DNAL4: variants seen among roughly 807,000 people sequenced by gnomAD.
DNAL4 encodes the protein dynein light chain, outer arm 4.
In DNAL4, 10 loss-of-function variants were observed where a neutral mutation model predicts 12.6. That is an observed-to-expected ratio of 0.79 (90% CI 0.49 to 1.34). The LOEUF is 1.34. DNAL4 is among the 40% of genes most tolerant of loss of function. DNAL4 has a pLI of 0.00. For synonymous variants in DNAL4, 46 were observed against 53.1 expected (o/e 0.87, Z 0.58); for missense variants, 128 against 138.1 (o/e 0.93, Z 0.37).
intron 1 of DNAL4, among the ~76,000 whole-genome samples, chr22:38,783,286 A>ACACG (rs2093037184): frequency 7.1e-6 from 1 of 141,688 alleles, no homozygotes. Flanking sequence ...CACTACATAC[A>ACACG]CGGGCCTTCC....
intron 1 of DNAL4, among the ~76,000 whole-genome samples, chr22:38,788,590 C>G (rs759575662): frequency 4.6e-5 from 7 of 152,148 alleles, no homozygotes; most frequent in Non-Finnish European, 7.3e-5. Flanking sequence ...CATGCACCCT[C>G]AAGGACTTAG....
Position 38,780,648 on chromosome 22 carries a change from C to T in DNAL4, c.153+278G>A, listed in dbSNP as rs2093032879. Reference sequence around the variant, plus strand: ...ACTGGGATGGAACCACGGGGAAAGGCACCCTATTCAGCAGCCCACCTGAGG... The same window carrying T: ...ACTGGGATGGAACCACGGGGAAAGGTACCCTATTCAGCAGCCCACCTGAGG... On this transcript the variant is annotated intron_variant, in intron 3 of 3. Transcript: ENST00000216068. 3 of 448,022 alleles carry T rather than the reference C, an allele frequency of 6.7e-6. No homozygotes were observed. The South Asian group carries it at 8.0e-5, about 12-fold the overall frequency. 27.8% of individuals were successfully genotyped at this position (448,022 alleles called of 1,614,324 possible). A position where few individuals can be genotyped will look rare whatever the true frequency, so the allele number is the denominator to read the frequency against.
Position 38,779,448 on chromosome 22 carries a change from G to C in DNAL4, c.*1C>G. ...CAGGGGACGGGGCAGGGGACAGAGT[G>C]TCAGGAGCACTTCCAGACGCACACA... On this transcript the variant is annotated 3_prime_UTR_variant, in exon 4 of 4. Coordinates refer to ENST00000216068, the MANE Select transcript of DNAL4 (RefSeq NM_005740.3). The surrounding 1 kb of genome is among the most constrained non-coding windows in gnomAD (Gnocchi z 4.3). 6.4e-7 allele frequency: 1 copy of C among 1,566,574 alleles called. No homozygotes were observed. Among genetic ancestry groups the C allele is most frequent in the Non-Finnish European group, 8.7e-7 (1 of 1,155,814 alleles).
chr22:38,793,236 G>A (rs191726258), intron 1 of DNAL4, among the ~76,000 whole-genome samples: 1 of 152,288 alleles, frequency 6.6e-6, no homozygotes, highest in African/African-American at 2.4e-5. Flanking sequence ...AGGGTCAACT[G>A]GAGAAATGAC....
chr22:38,784,988 T>A (rs929950863), intron 1 of DNAL4, among the ~76,000 whole-genome samples: 7 of 111,352 alleles, frequency 6.3e-5, no homozygotes, highest in Non-Finnish European at 9.6e-5. Context: ...CCCCCCCCCA[T>A]CCAATGACAT....
chr22:38,788,619 CCAGA>C (rs749103434), intron 1 of DNAL4, among the ~76,000 whole-genome samples: 49 of 152,234 alleles, frequency 3.2e-4, no homozygotes, highest in Admixed American at 1.2e-3. Context: ...GGATGAAATC[CCAGA>C]CAGTTTTGTC....
At chr22:38,791,794 G>T (rs1333699098) in intron 1 of DNAL4, among the ~76,000 whole-genome samples, 1 of 151,834 alleles carries the variant, frequency 6.6e-6, no homozygotes, top group Non-Finnish European at 1.5e-5. Flanking sequence ...GGGTTCAAAT[G>T]ATTCTTCTGC....
intron 1 of DNAL4, among the ~76,000 whole-genome samples, chr22:38,783,759 T>C (rs1309641106): frequency 6.6e-6 from 1 of 152,108 alleles, no homozygotes; most frequent in Admixed American, 6.5e-5. Context: ...ATCCATCTCA[T>C]GCGGCCGTTA....
intron 1 of DNAL4, among the ~76,000 whole-genome samples, chr22:38,792,440 G>A (rs2093052290): frequency 6.6e-6 from 1 of 152,064 alleles, no homozygotes; most frequent in Admixed American, 6.6e-5. Flanking sequence ...CCGCTACCAC[G>A]TCTGGCTAAT....
In DNAL4 at chr22:38,782,225, C is replaced by T. The variant is rs1277989904; in HGVS notation, c.69+438G>A. 5.3e-5 allele frequency among the ~76,000 whole-genome samples: 8 copies of T among 152,208 alleles called. No individual in the cohort carries two copies. Among genetic ancestry groups the T allele is most frequent in the Admixed American group, 3.3e-4 (5 of 15,278 alleles). On this transcript the variant is annotated intron_variant, in intron 2 of 3. Coordinates refer to ENST00000216068, the MANE Select transcript of DNAL4 (RefSeq NM_005740.3). This position sits in a 1 kb window ranked among gnomAD's most constrained non-coding sequence, Gnocchi z 5.1. The stretch of plus-strand genomic sequence containing the variant: ...CAGGCTTCCCGTGCCTCTGTTTCCC[C>T]GGCTTGGCATGTTCTTCCCCAGGTC...
Position 38,782,656 on chromosome 22 carries a change from G to T in DNAL4, c.69+7C>A, listed in dbSNP as rs755378290. 31 of 1,612,818 alleles carry T rather than the reference G, an allele frequency of 1.9e-5. No homozygotes were observed. In the South Asian group the frequency reaches 3.2e-4, roughly 17 times the overall value. On this transcript the variant is annotated splice_region_variant and intron_variant, in intron 2 of 3. Transcript: ENST00000216068. The surrounding 1 kb of genome is among the most constrained non-coding windows in gnomAD (Gnocchi z 5.1). ...CGGCAGTCCTGCCTCCCTCCCCTGG[G>T]GCTTACCCTGACCAGAGGGAAGGTC...
chr22:38,781,123 C>T, intron 2 of DNAL4, 114 bp from the exon 3 acceptor site: 2 of 1,176,844 alleles, frequency 1.7e-6, no homozygotes, highest in Non-Finnish European at 2.4e-6. Context: ...GCCTCCCTGG[C>T]CCAGCCCTGG....
rs2093030880 is a variant in DNAL4 at position 38,779,478 on chromosome 22, G to A, written c.289C>T (p.Leu97=). 2 of 1,578,942 alleles carry A rather than the reference G, an allele frequency of 1.3e-6. No homozygotes were observed. Among genetic ancestry groups the A allele is most frequent in the Non-Finnish European group, 1.7e-6 (2 of 1,161,924 alleles). Residue 97 remains leucine, a synonymous_variant, in exon 4 of 4, where the codon CTG becomes TTG. Coordinates refer to ENST00000216068, the MANE Select transcript of DNAL4 (RefSeq NM_005740.3). This position sits in a 1 kb window ranked among gnomAD's most constrained non-coding sequence, Gnocchi z 4.3. ...GAGCACTTCCAGACGCACACAGCCAGGGTGCCCCCGAAGTACAGGTAGAGG... is the reference window on the plus strand; with the variant it reads ...GAGCACTTCCAGACGCACACAGCCAAGGTGCCCCCGAAGTACAGGTAGAGG... ...NLLYLYFGGT[L]AVCVWKCS is the part of the protein sequence containing the mutation.
At position 38,782,836 on chromosome 22, in the gene DNAL4, C is replaced by A; in HGVS notation, c.-105G>T. On this transcript the variant is annotated 5_prime_UTR_variant, in exon 2 of 4. Transcript: ENST00000216068. The surrounding 1 kb of genome is among the most constrained non-coding windows in gnomAD (Gnocchi z 5.1). ...ATTCAGGAAGCAGGCCCTGCCAACT[C>A]GGTGGGAGCAGAAAATGTCTTTCCC... 7 of 1,068,826 alleles carry A rather than the reference C, an allele frequency of 6.5e-6. No individual in the cohort carries two copies. Among genetic ancestry groups the A allele is most frequent in the Non-Finnish European group, 9.3e-6 (7 of 751,476 alleles). The allele number at this position is 1,068,826 out of a possible 1,614,324, so 66.2% of individuals were successfully genotyped here. A position where few individuals can be genotyped will look rare whatever the true frequency, so the allele number is the denominator to read the frequency against.
intron 3 of DNAL4, 93 bp downstream of exon 3, chr22:38,780,833 C>A: frequency 7.8e-7 from 1 of 1,275,628 alleles, no homozygotes; most frequent in Non-Finnish European, 1.1e-6. Context: ...CCTAGCAGTA[C>A]TGTCTGGAGC....
chr22:38,781,075 G>T, intron 2 of DNAL4, 66 bp from the exon 3 acceptor site: 2 of 1,580,734 alleles, frequency 1.3e-6, no homozygotes, highest in Non-Finnish European at 1.7e-6. Flanking sequence ...TTCCTGGCTG[G>T]CCTCTCTGTC....
intron 3 of DNAL4, among the ~76,000 whole-genome samples, chr22:38,780,149 C>G (rs1232194325): frequency 1.3e-5 from 2 of 152,206 alleles, no homozygotes; most frequent in Admixed American, 6.5e-5. Context: ...TCTAGAGGGG[C>G]AGGGACCCCC....
At chr22:38,786,951 G>A (rs1056631739) in intron 1 of DNAL4, among the ~76,000 whole-genome samples, 3 of 152,140 alleles carry the variant, frequency 2.0e-5, no homozygotes, top group Admixed American at 6.5e-5. Context: ...TGTGTGGGAG[G>A]GACTGGGAAA....
intron 1 of DNAL4, among the ~76,000 whole-genome samples, chr22:38,792,385 C>T (rs1384544228): frequency 1.3e-5 from 2 of 152,032 alleles, no homozygotes; most frequent in African/African-American, 4.8e-5. Flanking sequence ...CGGGTTCACG[C>T]CATTCTCCTG....
Sources: gnomAD v4.1 joint callset for allele counts (sites outside exome capture counted in the v4.1 genomes callset) on GRCh38, gnomAD v4.1.1 for gene constraint, Gnocchi (gnomAD v3.1) non-coding constraint, MANE v1.5 for transcripts, NCBI Gene and HGNC (gene_info 2026-07-23, HGNC 2026-07-21) for gene names.